SIRT5: variants seen among roughly 807,000 people sequenced by gnomAD.
SIRT5 encodes NAD-dependent protein deacylase sirtuin-5, mitochondrial.
SIRT5 carries 26 observed loss-of-function variants against 40.0 expected under a neutral mutation model. The observed-to-expected ratio is 0.65, with a 90% CI of 0.48 to 0.90. The LOEUF is 0.90. Among genes scored for constraint, SIRT5 ranks in the 40% least tolerant of loss-of-function variants. SIRT5 has a pLI of 0.00. For missense variants in SIRT5, 401 were observed against 402.4 expected (o/e 1.00, Z 0.03); for synonymous variants, 146 against 149.1 (o/e 0.98, Z 0.15).
chr6:13,592,601 G>A (rs1176440824), intron 5 of SIRT5, among the ~76,000 whole-genome samples: 3 of 152,010 alleles, frequency 2.0e-5, no homozygotes, highest in African/African-American at 7.3e-5. Flanking sequence ...CTGCCCTGGA[G>A]CCTCAGGGAG....
chr6:13,583,289 CTTTTTTTTTTT>C (rs765557886), intron 2 of SIRT5, among the ~76,000 whole-genome samples: 47 of 100,510 alleles, frequency 4.7e-4, no homozygotes, highest in African/African-American at 1.5e-3. Context: ...CTTCTTTGTT[CTTTTTTTTTTT>C]TTTTTTTTTT....
rs1764089300 is a variant in SIRT5, at chr6:13,613,217, G to A, written c.*1352G>A. 6.6e-6 allele frequency: 1 copy of A among 152,308 alleles called. No individual in the cohort carries two copies. The highest frequency in any genetic ancestry group is 1.5e-5 in the Non-Finnish European group (1 of 68,112). The allele number at this position is 152,308 out of a possible 1,614,324, so 9.4% of individuals were successfully genotyped here. A position where few individuals can be genotyped will look rare whatever the true frequency, so the allele number is the denominator to read the frequency against. On this transcript the variant is annotated 3_prime_UTR_variant, in exon 10 of 10. Coordinates refer to ENST00000606117, the MANE Select transcript of SIRT5 (RefSeq NM_012241.5). ...GGCAACCCTCACTTCTTAAGTTATT[G>A]CTGTCAGATGCATCTGCCATACAGG... is the stretch of plus-strand genomic sequence containing the variant.
At chr6:13,588,595 A>C in intron 4 of SIRT5, 131 bp downstream of exon 4, 112 of 1,172,098 alleles carry the variant, frequency 9.6e-5, no homozygotes, top group Non-Finnish European at 1.2e-4. Context: ...CTATTGTCTC[A>C]TTGATTTTGG....
At position 13,595,334 on chromosome 6, in the gene SIRT5, G is replaced by A. The variant is rs11961680; in HGVS notation, c.476-143G>A. On this transcript the variant is annotated intron_variant, in intron 5 of 9. Transcript: ENST00000606117. Reference sequence around the variant, plus strand: ...AGCTGCAGTGAGCTATGATCGTACTGCTACACTCCAGCCTGGGTAACTGGG... The same window carrying A: ...AGCTGCAGTGAGCTATGATCGTACTACTACACTCCAGCCTGGGTAACTGGG... The A allele has an allele frequency of 3.6e-3, 2,329 of 645,252 alleles. 33 individuals are homozygous for A. In the African/African-American group the frequency reaches 0.036, roughly 10 times the overall value. 40.0% of individuals were successfully genotyped at this position (645,252 alleles called of 1,614,324 possible).
At chr6:13,604,444 A>G (rs1252255498) in intron 9 of SIRT5, 4 of 1,272,750 alleles carry the variant, frequency 3.1e-6, no homozygotes, top group Middle Eastern at 3.7e-4. Context: ...CTATGTCCCC[A>G]GTTTGGTTCT....
intron 1 of SIRT5, among the ~76,000 whole-genome samples, chr6:13,575,843 T>G (rs1402099205): frequency 6.6e-6 from 1 of 152,186 alleles, no homozygotes; most frequent in African/African-American, 2.4e-5. Context: ...TAACCATCAT[T>G]CTACTCTGCT....
intron 9 of SIRT5, chr6:13,604,822 C>T: frequency 1.8e-6 from 2 of 1,096,458 alleles, no homozygotes; most frequent in Non-Finnish European, 2.2e-6. Context: ...AATTCTTCAG[C>T]TTCATATTGT....
chr6:13,610,420 A>C (rs764661157), intron 9 of SIRT5, among the ~76,000 whole-genome samples: 4 of 152,208 alleles, frequency 2.6e-5, no homozygotes, highest in African/African-American at 2.4e-5. Context: ...ATTGAAAGCA[A>C]GAATGAAACC....
At chr6:13,601,953 T>A (rs1477989417) in intron 9 of SIRT5, among the ~76,000 whole-genome samples, 1 of 152,198 alleles carries the variant, frequency 6.6e-6, no homozygotes, top group African/African-American at 2.4e-5. Context: ...TTTGATCAGC[T>A]ACAGCCTGTG....
chr6:13,597,702 C>T lies in SIRT5; in HGVS notation c.617+686C>T, dbSNP rs141549862. On this transcript the variant is annotated intron_variant, in intron 7 of 9. Transcript: ENST00000606117. ...CTGGGATTATAGGCGCCCGCCACCA[C>T]GCCTGGCTATTTTTTGTGTTTTTAG... Among the ~76,000 whole-genome samples, 514 of 152,168 alleles carry T rather than the reference C, an allele frequency of 3.4e-3. 4 individuals carry two copies. Among genetic ancestry groups the T allele is most frequent in the African/African-American group, 0.012 (481 of 41,518 alleles).
chr6:13,598,255 G>A (rs185506716), intron 7 of SIRT5, among the ~76,000 whole-genome samples: 7 of 152,278 alleles, frequency 4.6e-5, no homozygotes, highest in Admixed American at 4.6e-4. Flanking sequence ...GTGTATAGAA[G>A]GTAACCCTGA....
chr6:13,607,375 T>C lies in SIRT5; in HGVS notation c.858-4415T>C, dbSNP rs1434109530. On this transcript the variant is annotated intron_variant, in intron 9 of 9. Coordinates refer to ENST00000606117, the MANE Select transcript of SIRT5 (RefSeq NM_012241.5). This position sits in a 1 kb window ranked among gnomAD's most constrained non-coding sequence, Gnocchi z 4.0. ...GGAAAAGAAACATGTGAAGCAGTCT[T>C]CCCCCATCTTTTACACCTACACCTA... Among the ~76,000 whole-genome samples the C allele has an allele frequency of 6.6e-6, 1 of 152,082 alleles. No homozygotes were observed. Among genetic ancestry groups the C allele is most frequent in the Non-Finnish European group, 1.5e-5 (1 of 67,996 alleles).
intron 2 of SIRT5, among the ~76,000 whole-genome samples, chr6:13,582,637 G>A (rs910702403): frequency 2.3e-5 from 3 of 128,746 alleles, no homozygotes; most frequent in East Asian, 2.1e-4. Context: ...AAAAATTCCC[G>A]CATGCCCCTT....
At chr6:13,592,801 G>C (rs1379391605) in intron 5 of SIRT5, among the ~76,000 whole-genome samples, 1 of 152,098 alleles carries the variant, frequency 6.6e-6, no homozygotes, top group East Asian at 1.9e-4. Context: ...CAGTCATAAT[G>C]GGCAAACTAG....
At position 13,614,214 on chromosome 6, in the gene SIRT5, G is replaced by C. The variant is rs1199780849; in HGVS notation, c.*2349G>C. On this transcript the variant is annotated 3_prime_UTR_variant, in exon 10 of 10. Coordinates refer to ENST00000606117, the MANE Select transcript of SIRT5 (RefSeq NM_012241.5). ...CCCCTCAGGGGTTCACAGAATGGCT[G>C]GAGCAACTGTCATATAAGCTGTTAT... 1.3e-5 allele frequency: 2 copies of C among 152,196 alleles called. No homozygotes were observed. Among genetic ancestry groups the C allele is most frequent in the African/African-American group, 4.8e-5 (2 of 41,440 alleles). 9.4% of individuals were successfully genotyped at this position (152,196 alleles called of 1,614,324 possible). A position where few individuals can be genotyped will look rare whatever the true frequency, so the allele number is the denominator to read the frequency against.
intron 9 of SIRT5, among the ~76,000 whole-genome samples, chr6:13,609,276 A>G (rs1763532407): frequency 6.6e-6 from 1 of 152,270 alleles, no homozygotes; most frequent in African/African-American, 2.4e-5. Flanking sequence ...TTCTGTCAAG[A>G]TCAGGTTTAT....
rs141087006 is a variant in SIRT5, at chr6:13,587,080, G to A, written c.116-1251G>A. ...CCAGGGAGCCTGCTTAGTCAGCTGA[G>A]GAATTCAGCTCCACATTTGCTGGAA... is the stretch of plus-strand genomic sequence containing the variant. On this transcript the variant is annotated intron_variant, in intron 3 of 9. Coordinates refer to ENST00000606117, the MANE Select transcript of SIRT5 (RefSeq NM_012241.5). Among the ~76,000 whole-genome samples the A allele has an allele frequency of 7.9e-4, 119 of 150,382 alleles. 1 individual carries two copies. Among genetic ancestry groups the A allele is most frequent in the African/African-American group, 2.5e-3 (101 of 39,784 alleles).
intron 9 of SIRT5, among the ~76,000 whole-genome samples, chr6:13,610,732 C>G (rs1763723161): frequency 6.6e-6 from 1 of 152,198 alleles, no homozygotes. Flanking sequence ...CTGGAACTTT[C>G]TGGAAGTCAG....
At chr6:13,602,182 GC>G in intron 9 of SIRT5, among the ~76,000 whole-genome samples, 1 of 152,274 alleles carries the variant, frequency 6.6e-6, no homozygotes, top group East Asian at 1.9e-4. Context: ...TGATCTATGG[GC>G]TCAATCAACT....
Sources: gnomAD v4.1 joint callset for allele counts (sites outside exome capture counted in the v4.1 genomes callset) on GRCh38, gnomAD v4.1.1 for gene constraint, Gnocchi (gnomAD v3.1) non-coding constraint, MANE v1.5 for transcripts, NCBI Gene and HGNC (gene_info 2026-07-23, HGNC 2026-07-21) for gene names.